TFEC: variants seen among roughly 807,000 people sequenced by gnomAD.
TFEC encodes the protein transcription factor EC.
TFEC carries 31 observed loss-of-function variants against 41.6 expected under a neutral mutation model. The observed-to-expected ratio is 0.74, with a 90% CI of 0.56 to 1.01. TFEC has a LOEUF of 1.01. Ranked by LOEUF, TFEC falls within the 50% of genes least tolerant of loss-of-function variation. TFEC has a pLI of 0.00. For missense variants in TFEC, 402 were observed against 404.1 expected (o/e 0.99, Z 0.04); for synonymous variants, 143 against 140.6 (o/e 1.02, Z -0.12).
At chr7:115,941,770 T>C in intron 7 of TFEC, 123 bp downstream of exon 7, 1 of 1,347,386 alleles carries the variant, frequency 7.4e-7, no homozygotes, top group Non-Finnish European at 1.0e-6. Context: ...AGCAGTAAAA[T>C]TATCCTTCAA....
intron 3 of TFEC, among the ~76,000 whole-genome samples, chr7:116,097,155 C>A (rs76726094): frequency 0.16 from 23,635 of 151,402 alleles, 1,995 homozygotes; most frequent in East Asian, 0.33. Context: ...GAATATAAAT[C>A]AATTTTCTAT....
intron 3 of TFEC, among the ~76,000 whole-genome samples, chr7:116,088,469 T>C (rs1428659239): frequency 2.0e-5 from 3 of 152,080 alleles, no homozygotes; most frequent in Non-Finnish European, 2.9e-5. Context: ...TGTTCCTCAG[T>C]TTCTTTATAC....
rs1190563632 is a variant in TFEC, at chr7:115,950,936, T to C, written c.453A>G (p.Arg151=). Residue 151 remains arginine (R), a synonymous_variant, in exon 6 of 8, where the codon AGA becomes AGG. Transcript: ENST00000265440. ...TGATTCGGTAATTAATATTATACCT[T>C]CTTCTTCTTTCAACTATTAAAGAAG... ...KDNHNLIERR[R]RYNINYRIKE... 3.2e-6 allele frequency: 5 copies of C among 1,585,866 alleles called. No individual in the cohort carries two copies. The highest frequency in any genetic ancestry group is 1.3e-5 in the African/African-American group (1 of 74,208).
chr7:115,985,937 A>T (rs1793834518), intron 1 of TFEC, among the ~76,000 whole-genome samples: 1 of 152,192 alleles, frequency 6.6e-6, no homozygotes, highest in Admixed American at 6.6e-5. Context: ...AATCTGAATG[A>T]TCTTTCACAC....
At position 115,940,039 on chromosome 7, in the gene TFEC, A is replaced by T. The variant is rs564053051; in HGVS notation, c.*512T>A. On this transcript the variant is annotated 3_prime_UTR_variant, in exon 8 of 8. Transcript: ENST00000265440. ...CCACAAGTGACAGATAATCTATTAT[A>T]CATTTATTTATCCTATAAAGTTTGA... 2.0e-5 allele frequency: 3 copies of T among 152,280 alleles called. No homozygotes were observed. In the East Asian group the frequency reaches 5.8e-4, roughly 30 times the overall value. The allele number at this position is 152,280 out of a possible 1,614,324, so 9.4% of individuals were successfully genotyped here.
intron 4 of TFEC, among the ~76,000 whole-genome samples, chr7:115,955,381 T>C (rs1055156710): frequency 6.6e-6 from 1 of 152,088 alleles, no homozygotes; most frequent in Admixed American, 6.6e-5. Flanking sequence ...CATTGGCATC[T>C]CTTTGATCTC....
At chr7:115,963,846 G>GGTT (rs1182504643) in intron 3 of TFEC, among the ~76,000 whole-genome samples, 1 of 151,480 alleles carries the variant, frequency 6.6e-6, no homozygotes, top group African/African-American at 2.4e-5. Context: ...TAGTGGTGAT[G>GGTT]GTTATACATT....
intron 4 of TFEC, 63 bp from the exon 5 acceptor site, chr7:115,954,705 A>C (rs1792130105): frequency 7.9e-7 from 1 of 1,268,706 alleles, no homozygotes; most frequent in East Asian, 2.3e-5. Context: ...TCCAGGCAAC[A>C]TAATTCAGAA....
chr7:116,013,945 T>C lies in TFEC; in HGVS notation c.-73+16688A>G, dbSNP rs192666858. On this transcript the variant is annotated intron_variant, in intron 1 of 7. Coordinates refer to ENST00000265440, the MANE Select transcript of TFEC (RefSeq NM_012252.4). Reference sequence around the variant, plus strand: ...CATACAGTACAGGACAATGTTACAATTGAAATCTACCATCAGAAAATATTA... The same window carrying C: ...CATACAGTACAGGACAATGTTACAACTGAAATCTACCATCAGAAAATATTA... Among the ~76,000 whole-genome samples the C allele has an allele frequency of 7.2e-5, 11 of 152,278 alleles. No homozygotes were observed. The East Asian group carries it at 1.9e-3, about 27-fold the overall frequency.
rs1017260052 is a variant in TFEC, at chr7:116,026,138, C to T, written c.-73+4495G>A. Reference sequence around the variant, plus strand: ...AAGCATAGCTGTTCATGGTCTGCCCCCACCTTAACTCTTCAGCCCCACTTC... The same window carrying T: ...AAGCATAGCTGTTCATGGTCTGCCCTCACCTTAACTCTTCAGCCCCACTTC... On this transcript the variant is annotated intron_variant, in intron 1 of 7. Coordinates refer to ENST00000265440, the MANE Select transcript of TFEC (RefSeq NM_012252.4). Among the ~76,000 whole-genome samples the T allele has an allele frequency of 2.6e-5, 4 of 152,170 alleles. No homozygotes were observed. In the South Asian group the frequency reaches 8.3e-4, roughly 31 times the overall value.
intron 4 of TFEC, among the ~76,000 whole-genome samples, chr7:115,956,474 A>C (rs17301046): frequency 0.14 from 20,776 of 151,864 alleles, 1,919 homozygotes; most frequent in Non-Finnish European, 0.21. Flanking sequence ...TCAATTTCCA[A>C]AATAATGAAT....
At chr7:115,998,125 A>T (rs901883130) in intron 1 of TFEC, among the ~76,000 whole-genome samples, 1 of 152,118 alleles carries the variant, frequency 6.6e-6, no homozygotes, top group Non-Finnish European at 1.5e-5. Flanking sequence ...CACCAAATAG[A>T]TCTAACTCAA....
intron 1 of TFEC, among the ~76,000 whole-genome samples, chr7:116,154,813 G>C (rs1009066983): frequency 6.6e-6 from 1 of 152,154 alleles, no homozygotes; most frequent in African/African-American, 2.4e-5. Flanking sequence ...TGCAAGATTA[G>C]AGGGTAGTAG....
intron 3 of TFEC, among the ~76,000 whole-genome samples, chr7:116,092,970 C>A (rs1485100764): frequency 6.6e-6 from 1 of 152,090 alleles, no homozygotes; most frequent in Non-Finnish European, 1.5e-5. Flanking sequence ...AGTGCCCTTA[C>A]AACAATTTAA....
upstream of TFEC, among the ~76,000 whole-genome samples, chr7:116,033,919 C>A (rs1226485407): frequency 6.6e-6 from 1 of 152,104 alleles, no homozygotes; most frequent in Non-Finnish European, 1.5e-5. Flanking sequence ...TTTTCCCATT[C>A]TTTCTTAAGC....
chr7:115,949,939 G>C (rs576829632), intron 6 of TFEC, among the ~76,000 whole-genome samples: 1 of 151,434 alleles, frequency 6.6e-6, no homozygotes, highest in Non-Finnish European at 1.5e-5. Context: ...GAAAATTTTC[G>C]CAACCTACTC....
chr7:116,117,120 G>A (rs914506731), intron 1 of TFEC, among the ~76,000 whole-genome samples: 1 of 151,788 alleles, frequency 6.6e-6, no homozygotes, highest in African/African-American at 2.4e-5. Flanking sequence ...ATTAATTATG[G>A]TGGAAACCTA....
chr7:116,001,285 C>G (rs953366435), intron 1 of TFEC, among the ~76,000 whole-genome samples: 3 of 152,064 alleles, frequency 2.0e-5, no homozygotes, highest in Admixed American at 6.5e-5. Context: ...TATCTCTTAT[C>G]ATATGCAAAA....
intron 2 of TFEC, among the ~76,000 whole-genome samples, chr7:115,980,981 G>A (rs1447015405): frequency 6.6e-6 from 1 of 151,990 alleles, no homozygotes; most frequent in Non-Finnish European, 1.5e-5. Flanking sequence ...ATTATTATGG[G>A]AGAAAAATTT....
Sources: allele counts gnomAD v4.1 joint callset (sites outside exome capture counted in the v4.1 genomes callset), GRCh38; gene constraint gnomAD v4.1.1; transcripts MANE v1.5; gene names NCBI Gene and HGNC (gene_info 2026-07-23, HGNC 2026-07-21).